The following DNAJC13 variants were observed in gnomAD, a reference collection of about 807,000 sequenced individuals.
DNAJC13 encodes DnaJ heat shock protein family (Hsp40) member C13, also known as dnaJ homolog subfamily C member 13.
Under a neutral mutation model 290.5 loss-of-function variants are expected in DNAJC13, and 75 were observed. That is an observed-to-expected ratio of 0.26 (90% CI 0.21 to 0.31). DNAJC13 has a LOEUF of 0.31. DNAJC13 is among the 10% of genes least tolerant of loss of function. The pLI, the probability that DNAJC13 is intolerant of heterozygous loss-of-function variation, is 1.00. For missense variants in DNAJC13, 2,260 were observed against 2,674.5 expected, an observed-to-expected ratio of 0.85 and a Z score of 3.42; for synonymous variants, 862 against 892.0, an observed-to-expected ratio of 0.97 and a Z score of 0.60.
At chr3:132,456,623 T>A (rs763938574) in intron 11 of DNAJC13, 40 bp from the exon 12 acceptor site, 2 of 1,613,158 alleles carry the variant, frequency 1.2e-6, no homozygotes, top group South Asian at 2.2e-5. Flanking sequence ...TACTAACTTT[T>A]GGTATGGAAA....
chr3:132,502,950 G>A (rs1935466939), intron 40 of DNAJC13, among the ~76,000 whole-genome samples: 1 of 152,170 alleles, frequency 6.6e-6, no homozygotes, highest in African/African-American at 2.4e-5. Flanking sequence ...ACCACCAAAT[G>A]TGCTTCTTCC....
intron 51 of DNAJC13, 21 bp from the exon 52 acceptor site, chr3:132,525,589 A>G: frequency 6.2e-7 from 1 of 1,610,372 alleles, no homozygotes; most frequent in Non-Finnish European, 8.5e-7. Flanking sequence ...TAGTTGATTT[A>G]TTTTTGTTTT....
chr3:132,457,816 G>C (rs1457866829), intron 13 of DNAJC13: 2 of 154,608 alleles, frequency 1.3e-5, no homozygotes, highest in African/African-American at 4.8e-5. Context: ...CATATAAAAA[G>C]GCATGTTTGG....
chr3:132,439,665 G>T (rs1179693469), intron 2 of DNAJC13, among the ~76,000 whole-genome samples: 1 of 152,168 alleles, frequency 6.6e-6, no homozygotes, highest in Non-Finnish European at 1.5e-5. Context: ...ATCCGAGCTG[G>T]AAAAGATACA....
At chr3:132,488,034 A>T (rs371453160) in intron 29 of DNAJC13, among the ~76,000 whole-genome samples, 5 of 152,190 alleles carry the variant, frequency 3.3e-5, no homozygotes, top group Non-Finnish European at 5.9e-5. Context: ...TACCTGTAAC[A>T]TTATGACAAA....
At position 132,492,495 on chromosome 3, in the gene DNAJC13, G is replaced by A. The variant is rs1935088469; in HGVS notation, c.3705G>A (p.Gln1235=). The A allele has an allele frequency of 6.2e-7, 1 of 1,613,720 alleles. No homozygotes were observed. Among genetic ancestry groups the A allele is most frequent in the African/African-American group, 1.3e-5 (1 of 74,866 alleles). The change falls in exon 33 of 56, where the codon CAG becomes CAA. Residue 1235 remains glutamine, a synonymous_variant. Transcript: ENST00000260818. ...RLQSNTRALY[Q]YCPIPIINYP... is the part of the protein sequence containing the mutation. ...AGAGTAACACAAGAGCACTTTATCA[G>A]TATTGCCCCATTCCTATAATCAACT...
chr3:132,422,107 T>C (rs530192503), intron 1 of DNAJC13, among the ~76,000 whole-genome samples: 1 of 151,994 alleles, frequency 6.6e-6, no homozygotes, highest in Non-Finnish European at 1.5e-5. Flanking sequence ...CATAGCTCAC[T>C]GTAGCCCTGA....
chr3:132,536,736 G>A (rs1469106544), intron 55 of DNAJC13, among the ~76,000 whole-genome samples: 4 of 152,144 alleles, frequency 2.6e-5, no homozygotes, highest in East Asian at 1.9e-4. Context: ...TCTGAACTGC[G>A]TTGTCAGAAG....
At position 132,502,309 on chromosome 3, in the gene DNAJC13, T is replaced by C. The variant is rs1935444377; in HGVS notation, c.4557T>C (p.Ala1519=). ...CTCAGAGTATTCCCCGCGTAGCTGC[T>C]CTTGGGGTAGAATGTGTCAGTTCTT... ...YFGKSIPRVA[A]LGVECVSSFA... Residue 1519 remains alanine (A), a synonymous_variant, in exon 40 of 56, where the codon GCT becomes GCC. Coordinates refer to ENST00000260818, the MANE Select transcript of DNAJC13 (RefSeq NM_015268.4). The C allele has an allele frequency of 6.2e-7, 1 of 1,613,264 alleles. No homozygotes were observed. Among genetic ancestry groups the C allele is most frequent in the Non-Finnish European group, 8.5e-7 (1 of 1,179,770 alleles).
chr3:132,427,119 G>GTATA (rs770455260), intron 1 of DNAJC13, among the ~76,000 whole-genome samples: 9,553 of 120,772 alleles, frequency 0.079, 482 homozygotes, highest in African/African-American at 0.16. Context: ...GTGTGTGTGT[G>GTATA]TATATATATA....
At chr3:132,425,630 G>T (rs1375048763) in intron 1 of DNAJC13, among the ~76,000 whole-genome samples, 1 of 152,146 alleles carries the variant, frequency 6.6e-6, no homozygotes, top group Non-Finnish European at 1.5e-5. Flanking sequence ...GGGAAAATCA[G>T]TAGCTTACCT....
At chr3:132,528,363 T>C in intron 54 of DNAJC13, 31 bp downstream of exon 54, 1 of 1,611,558 alleles carries the variant, frequency 6.2e-7, no homozygotes, top group Admixed American at 1.7e-5. Flanking sequence ...CTTTTGATAT[T>C]CTAAAAGCCA....
chr3:132,436,939 G>A (rs1255967703), intron 2 of DNAJC13, among the ~76,000 whole-genome samples: 1 of 149,862 alleles, frequency 6.7e-6, no homozygotes, highest in African/African-American at 2.5e-5. Context: ...AGGCTGGAGT[G>A]CTGATCTCGG....
intron 16 of DNAJC13, among the ~76,000 whole-genome samples, chr3:132,463,104 T>C (rs1244277441): frequency 6.6e-6 from 1 of 152,232 alleles, no homozygotes; most frequent in Non-Finnish European, 1.5e-5. Flanking sequence ...TTTGAATTCT[T>C]GTATTTTGTT....
chr3:132,525,911 A>G (rs2107748095), intron 52 of DNAJC13, 122 bp downstream of exon 52: 1 of 1,246,052 alleles, frequency 8.0e-7, no homozygotes, highest in Non-Finnish European at 1.1e-6. Flanking sequence ...TTGCATACGA[A>G]CCACATGGTA....
intron 7 of DNAJC13, 46 bp downstream of exon 7, chr3:132,453,550 A>G: frequency 6.2e-7 from 1 of 1,609,458 alleles, no homozygotes; most frequent in South Asian, 1.1e-5. Flanking sequence ...CCTGATTTTG[A>G]CGTTTTAAAA....
In DNAJC13 at chr3:132,497,898, G is replaced by A. The variant is rs1364757872; in HGVS notation, c.4157-1228G>A. Among the ~76,000 whole-genome samples, 5 of 151,950 alleles carry A rather than the reference G, an allele frequency of 3.3e-5. No homozygotes were observed. The East Asian group carries it at 9.7e-4, about 29-fold the overall frequency. On this transcript the variant is annotated intron_variant, in intron 36 of 55. Coordinates refer to ENST00000260818, the MANE Select transcript of DNAJC13 (RefSeq NM_015268.4). ...GGAAAATTAGGACCTGTTCCAGGGG[G>A]CCTTTTTTTTAAAAGCCAGTTTAGA...
intron 2 of DNAJC13, 67 bp from the exon 3 acceptor site, chr3:132,446,408 A>C: frequency 9.1e-7 from 1 of 1,095,122 alleles, no homozygotes; most frequent in East Asian, 2.6e-5. Flanking sequence ...GTTTTGTGTT[A>C]TATATATTTT....
chr3:132,425,679 C>A (rs892912042), intron 1 of DNAJC13, among the ~76,000 whole-genome samples: 1 of 152,126 alleles, frequency 6.6e-6, no homozygotes, highest in Non-Finnish European at 1.5e-5. Context: ...AAAATTACTT[C>A]CAGTTGATGA....
Sources: allele counts gnomAD v4.1 joint callset (sites outside exome capture counted in the v4.1 genomes callset), GRCh38; gene constraint gnomAD v4.1.1; transcripts MANE v1.5; gene names NCBI Gene and HGNC (gene_info 2026-07-23, HGNC 2026-07-21).